CYP26B1: variants seen among roughly 807,000 people sequenced by gnomAD.
CYP26B1 encodes the protein cytochrome P450 26B1.
A neutral mutation model predicts 39.1 loss-of-function variants in CYP26B1; 8 were observed. The ratio of observed to expected loss-of-function variants is 0.20; its 90% CI spans 0.12 to 0.37. CYP26B1 has a LOEUF of 0.37. Ranked by LOEUF, CYP26B1 falls within the 10% of genes least tolerant of loss-of-function variation. CYP26B1 has a pLI of 1.00. For missense variants in CYP26B1, 615 were observed against 707.0 expected, an observed-to-expected ratio of 0.87 and a Z score of 1.48; for synonymous variants, 321 against 314.3, an observed-to-expected ratio of 1.02 and a Z score of -0.23.
rs149276837 is a variant in CYP26B1 at position 72,133,454 on chromosome 2, A to C, written c.862-147T>G. The C allele has an allele frequency of 4.6e-6, 5 of 1,079,302 alleles. No individual in the cohort carries two copies. The African/African-American group carries it at 4.7e-5, about 10-fold the overall frequency. The allele number at this position is 1,079,302 out of a possible 1,614,324, so 66.9% of individuals were successfully genotyped here. ...GTGAATTCTGCTTCCTCTGAGCTTCATGTTGCCGGGGCATTAGTGTCACGA... is the reference window on the plus strand; with the variant it reads ...GTGAATTCTGCTTCCTCTGAGCTTCCTGTTGCCGGGGCATTAGTGTCACGA... On this transcript the variant is annotated intron_variant, in intron 4 of 5. Transcript: ENST00000001146.
intron 4 of CYP26B1, 44 bp from the exon 5 acceptor site, chr2:72,133,351 G>T: frequency 1.3e-6 from 2 of 1,581,396 alleles, no homozygotes; most frequent in Admixed American, 1.8e-5. Flanking sequence ...TGTGGGTTCA[G>T]CCAGGCAGGG....
intron 2 of CYP26B1, among the ~76,000 whole-genome samples, chr2:72,137,934 C>T (rs1376406511): frequency 2.6e-5 from 4 of 152,212 alleles, no homozygotes; most frequent in Non-Finnish European, 5.9e-5. Flanking sequence ...TCTTGGCCGG[C>T]GTCTGACTTG....
Position 72,133,280 on chromosome 2 carries a change from C to T in CYP26B1, c.889G>A (p.Ala297Thr), listed in dbSNP as rs1431421956. ...KDGTLELIFA[A>T]YATTASASTS... Reference sequence around the variant, plus strand: ...CTGGCGCTGGCCGTGGTGGCATAGGCCGCAAAGATCAGCTCCAGGGTCCCG... The same window carrying T: ...CTGGCGCTGGCCGTGGTGGCATAGGTCGCAAAGATCAGCTCCAGGGTCCCG... Residue 297 changes from alanine to threonine, a missense_variant, in exon 5 of 6, where the codon GCC becomes ACC. Physicochemically the swap from Ala to Thr is moderately conservative, Grantham distance 58. Transcript: ENST00000001146. 1 of 1,608,660 alleles carries T rather than the reference C, an allele frequency of 6.2e-7. No homozygotes were observed. Among genetic ancestry groups the T allele is most frequent in the Non-Finnish European group, 8.5e-7 (1 of 1,179,664 alleles).
intron 1 of CYP26B1, 129 bp from the exon 2 acceptor site, chr2:72,144,342 C>T (rs1258040874): frequency 6.8e-7 from 1 of 1,462,396 alleles, no homozygotes; most frequent in Admixed American, 2.6e-5. Flanking sequence ...CTCACACAGA[C>T]GAGCACGCAG....
chr2:72,136,323 A>G lies in CYP26B1; in HGVS notation c.430-904T>C, dbSNP rs1038130121. ...ACTCCACCCCATGCAAACCACACAC[A>G]CGCGCCGCCCTCCCCTACTGCCCCC... is the stretch of plus-strand genomic sequence containing the variant. On this transcript the variant is annotated intron_variant, in intron 2 of 5. Coordinates refer to ENST00000001146, the MANE Select transcript of CYP26B1 (RefSeq NM_019885.4). 3.9e-5 allele frequency among the ~76,000 whole-genome samples: 6 copies of G among 151,902 alleles called. No homozygotes were observed. In the East Asian group the frequency reaches 1.2e-3, roughly 29 times the overall value.
chr2:72,140,887 T>C (rs562415801), intron 2 of CYP26B1, among the ~76,000 whole-genome samples: 1 of 152,138 alleles, frequency 6.6e-6, no homozygotes, highest in Non-Finnish European at 1.5e-5. Context: ...AGTCCAAGGC[T>C]AAGTCCCTCC....
In CYP26B1 at chr2:72,147,540, T is replaced by C; in HGVS notation, c.204+91A>G. On this transcript the variant is annotated intron_variant, in intron 1 of 5. Transcript: ENST00000001146. This position sits in a 1 kb window ranked among gnomAD's most constrained non-coding sequence, Gnocchi z 6.1. ...GGGGCGGGGACCAGTGCCTTCAGGC[T>C]CCCGGCGCCCCCTGGCCGGCCCGCC... The C allele has an allele frequency of 7.5e-7, 1 of 1,333,086 alleles. No homozygotes were observed. The highest frequency in any genetic ancestry group is 1.0e-6 in the Non-Finnish European group (1 of 1,000,934). The allele number at this position is 1,333,086 out of a possible 1,614,324, so 82.6% of individuals were successfully genotyped here.
rs1371219669 is a variant in CYP26B1 at position 72,147,622 on chromosome 2, C to A, written c.204+9G>T. 2 of 1,605,866 alleles carry A rather than the reference C, an allele frequency of 1.2e-6. No individual in the cohort carries two copies. Among genetic ancestry groups the A allele is most frequent in the Admixed American group, 3.4e-5 (2 of 59,630 alleles). Reference sequence around the variant, plus strand: ...ACCCCGGAGTGCAGCGGAGCGAGCGCGCCCTTACCTGCAGCAGCCAGTGGC... The same window carrying A: ...ACCCCGGAGTGCAGCGGAGCGAGCGAGCCCTTACCTGCAGCAGCCAGTGGC... On this transcript the variant is annotated intron_variant, in intron 1 of 5. Coordinates refer to ENST00000001146, the MANE Select transcript of CYP26B1 (RefSeq NM_019885.4). The surrounding 1 kb of genome is among the most constrained non-coding windows in gnomAD (Gnocchi z 6.1).
intron 2 of CYP26B1, among the ~76,000 whole-genome samples, chr2:72,143,372 G>T (rs181935540): frequency 0.035 from 4,696 of 133,240 alleles, 309 homozygotes; most frequent in African/African-American, 0.16. Flanking sequence ...TTCCTCTTTC[G>T]GGGGGGGGTG....
intron 2 of CYP26B1, among the ~76,000 whole-genome samples, chr2:72,139,501 C>G (rs1160194728): frequency 2.6e-5 from 4 of 152,180 alleles, no homozygotes; most frequent in Admixed American, 1.3e-4. Context: ...CCCAGACCCC[C>G]AACAGGCTCC....
rs1676482115 is a variant in CYP26B1 at position 72,129,319 on chromosome 2, T to C, written c.*2908A>G. 6.6e-6 allele frequency: 1 copy of C among 152,508 alleles called. No individual in the cohort carries two copies. The highest frequency in any genetic ancestry group is 2.4e-5 in the African/African-American group (1 of 41,370). The allele number at this position is 152,508 out of a possible 1,614,324, so 9.4% of individuals were successfully genotyped here. A position where few individuals can be genotyped will look rare whatever the true frequency, so the allele number is the denominator to read the frequency against. On this transcript the variant is annotated 3_prime_UTR_variant, in exon 6 of 6. Transcript: ENST00000001146. ...AAAATCACAAAATGCACAACATTCA[T>C]GTTTTTAATATGCAACATGGAATAT...
chr2:72,145,477 C>G (rs1009936939), intron 1 of CYP26B1, among the ~76,000 whole-genome samples: 12 of 152,194 alleles, frequency 7.9e-5, no homozygotes, highest in Non-Finnish European at 1.0e-4. Flanking sequence ...ATTCCCCCTG[C>G]CGTGCAGCCC....
intron 2 of CYP26B1, among the ~76,000 whole-genome samples, chr2:72,137,653 G>T (rs924518802): frequency 6.6e-6 from 1 of 152,220 alleles, no homozygotes; most frequent in East Asian, 1.9e-4. Flanking sequence ...GCCCTCTAGC[G>T]ATGGCTGGTT....
chr2:72,140,308 T>C (rs1676906603), intron 2 of CYP26B1, among the ~76,000 whole-genome samples: 1 of 152,150 alleles, frequency 6.6e-6, no homozygotes, highest in African/African-American at 2.4e-5. Context: ...GACCGTGGGC[T>C]CCCTCCCCCA....
chr2:72,132,529 C>G lies in CYP26B1; in HGVS notation c.1237G>C (p.Asp413His). 1 of 1,609,994 alleles carries G rather than the reference C, an allele frequency of 6.2e-7. No individual in the cohort carries two copies. Among genetic ancestry groups the G allele is most frequent in the Non-Finnish European group, 8.5e-7 (1 of 1,177,218 alleles). The change falls in exon 6 of 6, where the codon GAC (aspartate) becomes CAC (histidine). Residue 413 changes from aspartate to histidine, a missense_variant. Coordinates refer to ENST00000001146, the MANE Select transcript of CYP26B1 (RefSeq NM_019885.4). ...APVFKDVNVF[D>H]PDRFSQARSE... ...CGCGCCTGGCTGAAGCGATCGGGGT[C>G]GAACACGTTCACGTCTTTGAACACG...
chr2:72,147,399 G>A lies in CYP26B1; in HGVS notation c.204+232C>T, dbSNP rs1308276390. Among the ~76,000 whole-genome samples the A allele has an allele frequency of 6.6e-6, 1 of 152,140 alleles. No homozygotes were observed. The highest frequency in any genetic ancestry group is 1.5e-5 in the Non-Finnish European group (1 of 68,018). ...CCATCTTGGGAGCCCCCTCAGGTCC[G>A]GGAACCCCTCTTACCAGCCCCCTGA... On this transcript the variant is annotated intron_variant, in intron 1 of 5. Transcript: ENST00000001146. This position sits in a 1 kb window ranked among gnomAD's most constrained non-coding sequence, Gnocchi z 6.1.
In CYP26B1 at chr2:72,130,379, G is replaced by A. The variant is rs1676529315; in HGVS notation, c.*1848C>T. On this transcript the variant is annotated 3_prime_UTR_variant, in exon 6 of 6. Coordinates refer to ENST00000001146, the MANE Select transcript of CYP26B1 (RefSeq NM_019885.4). ...ACTGTTTTTTAGTAGTGGAAAAGTA[G>A]GAAATAAATGAAACATCTGAGACTC... is the stretch of plus-strand genomic sequence containing the variant. 1 of 152,154 alleles carries A rather than the reference G, an allele frequency of 6.6e-6. No individual in the cohort carries two copies. Among genetic ancestry groups the A allele is most frequent in the African/African-American group, 2.4e-5 (1 of 41,420 alleles). 9.4% of individuals were successfully genotyped at this position (152,154 alleles called of 1,614,324 possible).
chr2:72,133,012 C>T lies in CYP26B1; in HGVS notation c.1146+11G>A, dbSNP rs746704194. The T allele has an allele frequency of 6.8e-6, 11 of 1,613,026 alleles. No homozygotes were observed. The highest frequency in any genetic ancestry group is 1.3e-5 in the African/African-American group (1 of 74,946). On this transcript the variant is annotated intron_variant, in intron 5 of 5. Transcript: ENST00000001146. The stretch of plus-strand genomic sequence containing the variant: ...CCCCCATCGCCCCCGGTGCCACGGG[C>T]CCAGCCTCACATCAAGCTCGAAGGT...
chr2:72,135,708 C>T (rs1314801790), intron 2 of CYP26B1, among the ~76,000 whole-genome samples: 1 of 152,136 alleles, frequency 6.6e-6, no homozygotes, highest in African/African-American at 2.4e-5. Flanking sequence ...AGAAGTGGAG[C>T]ACAGTCGTTG....
Sources: gnomAD v4.1 joint callset for allele counts (sites outside exome capture counted in the v4.1 genomes callset) on GRCh38, gnomAD v4.1.1 for gene constraint, Gnocchi (gnomAD v3.1) non-coding constraint, MANE v1.5 for transcripts, NCBI Gene and HGNC (gene_info 2026-07-23, HGNC 2026-07-21) for gene names.